Variants in KCNAB1 observed in about 807,000 individuals in gnomAD.
The protein encoded by KCNAB1 is potassium voltage-gated channel subfamily A regulatory beta subunit 1.
Under a neutral mutation model 64.6 loss-of-function variants are expected in KCNAB1, and 35 were observed. The ratio of observed to expected loss-of-function variants is 0.54; its 90% CI spans 0.41 to 0.72. The LOEUF (loss-of-function observed/expected upper bound fraction) is 0.72. Among genes scored for constraint, KCNAB1 ranks in the 30% least tolerant of loss-of-function variants. The probability of loss-of-function intolerance (pLI) is 0.00; values close to 1 mark genes in which losing one functional copy is unlikely to be tolerated. For synonymous variants in KCNAB1, 177 were observed against 183.8 expected (o/e 0.96, Z 0.30); for missense variants, 401 against 512.9 (o/e 0.78, Z 2.11).
chr3:156,455,991 T>A (rs1712399246), intron 3 of KCNAB1: 1 of 152,266 alleles, frequency 6.6e-6, no homozygotes, highest in South Asian at 2.1e-4. Flanking sequence ...GGAGGTGAAG[T>A]CAGCTTTGCC....
intron 1 of KCNAB1, among the ~76,000 whole-genome samples, chr3:156,387,071 A>G (rs1282474899): frequency 1.4e-5 from 2 of 146,140 alleles, no homozygotes; most frequent in Non-Finnish European, 3.0e-5. Flanking sequence ...TAGACTTACA[A>G]AATTTTCCTC....
chr3:156,274,013 A>G (rs1023660644), intron 1 of KCNAB1, among the ~76,000 whole-genome samples: 1 of 152,160 alleles, frequency 6.6e-6, no homozygotes, highest in South Asian at 2.1e-4. Flanking sequence ...TTTTTCCCTT[A>G]CCAAGGTATA....
In KCNAB1 at chr3:156,536,908, T is replaced by C; in HGVS notation, c.*161T>C. On this transcript the variant is annotated 3_prime_UTR_variant, in exon 14 of 14. Coordinates refer to ENST00000490337, the MANE Select transcript of KCNAB1 (RefSeq NM_172160.3). ...GAGGTGTCTGCTGTCGCTACCACTG[T>C]GCACATCTGAAAACTCACAACCAAG... The C allele has an allele frequency of 1.6e-6, 1 of 611,116 alleles. No individual in the cohort carries two copies. Among genetic ancestry groups the C allele is most frequent in the Non-Finnish European group, 2.9e-6 (1 of 343,604 alleles). 37.9% of individuals were successfully genotyped at this position (611,116 alleles called of 1,614,324 possible). A position where few individuals can be genotyped will look rare whatever the true frequency, so the allele number is the denominator to read the frequency against.
intron 1 of KCNAB1, among the ~76,000 whole-genome samples, chr3:156,229,880 C>T (rs1309106295): frequency 1.3e-5 from 2 of 151,976 alleles, no homozygotes; most frequent in Non-Finnish European, 2.9e-5. Flanking sequence ...TAAGAGAAGA[C>T]CACATTCCTA....
chr3:156,156,465 A>T (rs1489521723), intron 1 of KCNAB1, among the ~76,000 whole-genome samples: 1 of 152,266 alleles, frequency 6.6e-6, no homozygotes, highest in Non-Finnish European at 1.5e-5. Flanking sequence ...AGAAGTTACC[A>T]TAATTGCCCA....
At chr3:156,422,072 C>A (rs538243629) in intron 2 of KCNAB1, among the ~76,000 whole-genome samples, 7 of 152,236 alleles carry the variant, frequency 4.6e-5, no homozygotes, top group Admixed American at 4.6e-4. Context: ...TATTATTATG[C>A]ATTTTATATA....
At chr3:156,180,127 T>C (rs2108344065) in intron 1 of KCNAB1, among the ~76,000 whole-genome samples, 1 of 152,360 alleles carries the variant, frequency 6.6e-6, no homozygotes, top group East Asian at 1.9e-4. Context: ...ACTCAGCCTA[T>C]AAATGGTCAA....
chr3:156,526,458 T>TA (rs1718314930), intron 12 of KCNAB1, among the ~76,000 whole-genome samples: 1 of 152,214 alleles, frequency 6.6e-6, no homozygotes, highest in African/African-American at 2.4e-5. Flanking sequence ...TAATAAATAT[T>TA]AAAAATTGAG....
chr3:156,180,510 T>C (rs1156248169), intron 1 of KCNAB1, among the ~76,000 whole-genome samples: 1 of 152,166 alleles, frequency 6.6e-6, no homozygotes, highest in Non-Finnish European at 1.5e-5. Flanking sequence ...ACCTGGAGAA[T>C]ACCAAAAACA....
At chr3:156,351,951 T>G (rs546725505) in intron 1 of KCNAB1, among the ~76,000 whole-genome samples, 2 of 152,288 alleles carry the variant, frequency 1.3e-5, no homozygotes, top group South Asian at 2.1e-4. Context: ...ATCCCACCAG[T>G]GGGGCCTCCT....
chr3:156,182,941 G>T (rs541237749), intron 1 of KCNAB1, among the ~76,000 whole-genome samples: 1 of 151,968 alleles, frequency 6.6e-6, no homozygotes, highest in African/African-American at 2.4e-5. Flanking sequence ...CTCATGATTC[G>T]CCTGCCTCAG....
intron 1 of KCNAB1, among the ~76,000 whole-genome samples, chr3:156,399,602 C>T (rs1713739090): frequency 6.6e-6 from 1 of 152,030 alleles, no homozygotes; most frequent in Non-Finnish European, 1.5e-5. Flanking sequence ...GACAACACGG[C>T]CTATGAGATC....
Position 156,535,777 on chromosome 3 carries a change from T to C in KCNAB1, c.1171-881T>C, listed in dbSNP as rs888994986. Reference sequence around the variant, plus strand: ...CCTAGTTAAGGCCCTATTGCCTGGCTTGGATTGTAATACATATCTAATATC... The same window carrying C: ...CCTAGTTAAGGCCCTATTGCCTGGCCTGGATTGTAATACATATCTAATATC... On this transcript the variant is annotated intron_variant, in intron 13 of 13. Transcript: ENST00000490337. Among the ~76,000 whole-genome samples the C allele has an allele frequency of 5.5e-5, 8 of 145,416 alleles. No homozygotes were observed. The East Asian group carries it at 1.4e-3, about 26-fold the overall frequency.
intron 1 of KCNAB1, among the ~76,000 whole-genome samples, chr3:156,367,854 A>T (rs1306061041): frequency 6.6e-6 from 1 of 152,198 alleles, no homozygotes; most frequent in Admixed American, 6.5e-5. Flanking sequence ...AAGATATTTT[A>T]AAAAATACAC....
intron 1 of KCNAB1, among the ~76,000 whole-genome samples, chr3:156,149,472 G>A (rs924491280): frequency 2.6e-5 from 4 of 152,120 alleles, no homozygotes; most frequent in African/African-American, 7.2e-5. Flanking sequence ...AGAATTTGAA[G>A]GCATAAATGA....
intron 2 of KCNAB1, among the ~76,000 whole-genome samples, chr3:156,431,199 T>C (rs1444584664): frequency 6.6e-6 from 1 of 152,188 alleles, no homozygotes; most frequent in African/African-American, 2.4e-5. Flanking sequence ...ATAGTTCCTG[T>C]ACTCTAAGCA....
intron 1 of KCNAB1, among the ~76,000 whole-genome samples, chr3:156,278,055 C>A (rs1719448438): frequency 6.6e-6 from 1 of 152,116 alleles, no homozygotes; most frequent in Admixed American, 6.6e-5. Flanking sequence ...TTAACTGTTA[C>A]AGAATTTCAT....
chr3:156,502,228 A>T (rs989822411), intron 8 of KCNAB1, among the ~76,000 whole-genome samples: 2 of 151,908 alleles, frequency 1.3e-5, no homozygotes, highest in African/African-American at 4.8e-5. Flanking sequence ...GAGCCAAATG[A>T]CTCCTGAAAA....
rs576858839 is a variant in KCNAB1 at position 156,357,862 on chromosome 3, A to C, written c.276-63754A>C. Among the ~76,000 whole-genome samples, 7 of 142,640 alleles carry C rather than the reference A, an allele frequency of 4.9e-5. No individual in the cohort carries two copies. The South Asian group carries it at 1.5e-3, about 30-fold the overall frequency. The allele number at this position is 142,640 out of a possible 152,430, so 93.6% of individuals were successfully genotyped here. A position where few individuals can be genotyped will look rare whatever the true frequency, so the allele number is the denominator to read the frequency against. ...TATAGTTTTTATACTAAATCTTCAA[A>C]ATCTGGTATTTTGTACCTAAGGAAA... On this transcript the variant is annotated intron_variant, in intron 1 of 13. Transcript: ENST00000490337.
Sources: gnomAD v4.1 joint callset for allele counts (sites outside exome capture counted in the v4.1 genomes callset) on GRCh38, gnomAD v4.1.1 for gene constraint, MANE v1.5 for transcripts, NCBI Gene and HGNC (gene_info 2026-07-23, HGNC 2026-07-21) for gene names.